PDGFRA: variants seen among roughly 807,000 people sequenced by gnomAD.
PDGFRA encodes the protein platelet derived growth factor receptor alpha.
A neutral mutation model predicts 121.5 loss-of-function variants in PDGFRA; 25 were observed. The ratio of observed to expected loss-of-function variants is 0.21; its 90% CI spans 0.15 to 0.29. The LOEUF (loss-of-function observed/expected upper bound fraction) is 0.29. Among genes scored for constraint, PDGFRA ranks in the 10% least tolerant of loss-of-function variants. PDGFRA has a pLI of 1.00. For missense variants in PDGFRA, 1,008 were observed against 1,345.1 expected, an observed-to-expected ratio of 0.75 and a Z score of 3.92; for synonymous variants, 463 against 494.8, an observed-to-expected ratio of 0.94 and a Z score of 0.85.
rs1020566095 is a variant in PDGFRA at position 54,298,186 on chromosome 4, T to G, written c.*2914T>G. ...ACGAATGCCCCTGTTCATGTTTTTG[T>G]TTTAAAACGTGTAAATGAAGATCTT... On this transcript the variant is annotated 3_prime_UTR_variant, in exon 23 of 23. Coordinates refer to ENST00000257290, the MANE Select transcript of PDGFRA (RefSeq NM_006206.6). 4.9e-6 allele frequency: 1 copy of G among 205,358 alleles called. No homozygotes were observed. Among genetic ancestry groups the G allele is most frequent in the Non-Finnish European group, 1.0e-5 (1 of 100,060 alleles). 12.7% of individuals were successfully genotyped at this position (205,358 alleles called of 1,614,324 possible).
At chr4:54,279,801 T>C (rs1456361360) in intron 15 of PDGFRA, among the ~76,000 whole-genome samples, 1 of 152,156 alleles carries the variant, frequency 6.6e-6, no homozygotes, top group African/African-American at 2.4e-5. Flanking sequence ...GAACGTACGA[T>C]GTTTGGTTTC....
intron 15 of PDGFRA, chr4:54,279,045 G>T (rs1723918788): frequency 3.0e-6 from 1 of 332,406 alleles, no homozygotes; most frequent in Non-Finnish European, 6.1e-6. Flanking sequence ...CACCAAATGG[G>T]TGCTAAATTG....
chr4:54,295,892 G>A lies in PDGFRA; in HGVS notation c.*620G>A. ...TTTAATAGATTTGGGTCATTTAGAA[G>A]CCTGACAACTCATTTTCATATTGTA... On this transcript the variant is annotated 3_prime_UTR_variant, in exon 23 of 23. Coordinates refer to ENST00000257290, the MANE Select transcript of PDGFRA (RefSeq NM_006206.6). 4.3e-6 allele frequency: 1 copy of A among 234,088 alleles called. No individual in the cohort carries two copies. The highest frequency in any genetic ancestry group is 8.4e-6 in the Non-Finnish European group (1 of 118,554). The allele number at this position is 234,088 out of a possible 1,614,324, so 14.5% of individuals were successfully genotyped here.
intron 1 of PDGFRA, among the ~76,000 whole-genome samples, chr4:54,255,568 C>T (rs1325695404): frequency 6.7e-6 from 1 of 149,854 alleles, no homozygotes; most frequent in East Asian, 2.0e-4. Context: ...TGCAGTGGCG[C>T]GATCTTGGCT....
chr4:54,244,551 A>C (rs1008531977), intron 1 of PDGFRA, among the ~76,000 whole-genome samples: 2 of 152,202 alleles, frequency 1.3e-5, no homozygotes, highest in African/African-American at 4.8e-5. Flanking sequence ...GGACATCCAC[A>C]CCAAAAACCC....
At chr4:54,253,549 C>T (rs2110221912) in intron 1 of PDGFRA, among the ~76,000 whole-genome samples, 1 of 152,288 alleles carries the variant, frequency 6.6e-6, no homozygotes, top group African/African-American at 2.4e-5. Context: ...ATGGCAAAAG[C>T]TTTTTGAGCT....
chr4:54,251,843 A>G (rs1319816839), intron 1 of PDGFRA, among the ~76,000 whole-genome samples: 2 of 152,216 alleles, frequency 1.3e-5, no homozygotes, highest in Non-Finnish European at 2.9e-5. Flanking sequence ...TTTAAATTAA[A>G]TTTCCATCGA....
Position 54,246,721 on chromosome 4 carries a change from C to G in PDGFRA, c.-12-12036C>G, listed in dbSNP as rs540230965. 6.9e-3 allele frequency among the ~76,000 whole-genome samples: 1,046 copies of G among 151,678 alleles called. 12 individuals are homozygous for G. Among genetic ancestry groups the G allele is most frequent in the African/African-American group, 0.024 (972 of 41,300 alleles). On this transcript the variant is annotated intron_variant, in intron 1 of 22. Coordinates refer to ENST00000257290, the MANE Select transcript of PDGFRA (RefSeq NM_006206.6). ...AGGCAAGAAATAACTAAAATCAGAG[C>G]AGAACTGAAGGAAATAGAGACACAA...
At chr4:54,246,871 A>G (rs1444609391) in intron 1 of PDGFRA, among the ~76,000 whole-genome samples, 4 of 152,128 alleles carry the variant, frequency 2.6e-5, no homozygotes, top group African/African-American at 7.2e-5. Context: ...GCAAAAAAAA[A>G]AATGATAAAG....
In PDGFRA at chr4:54,264,962, G is replaced by T. The variant is rs151259376; in HGVS notation, c.672G>T (p.Val224=). The change falls in exon 5 of 23, where the codon GTG becomes GTT. Residue 224 remains valine (V), a synonymous_variant. Coordinates refer to ENST00000257290, the MANE Select transcript of PDGFRA (RefSeq NM_006206.6). ...TAGAAATGGAAGCTCTTAAAACCGT[G>T]TATAAGTCAGGGGAAACGATTGTGG... ...LDLEMEALKT[V]YKSGETIVVT... 1 of 1,613,308 alleles carries T rather than the reference G, an allele frequency of 6.2e-7. No homozygotes were observed. Among genetic ancestry groups the T allele is most frequent in the South Asian group, 1.1e-5 (1 of 91,068 alleles).
chr4:54,245,130 T>C (rs1721560364), intron 1 of PDGFRA, among the ~76,000 whole-genome samples: 1 of 152,190 alleles, frequency 6.6e-6, no homozygotes, highest in African/African-American at 2.4e-5. Context: ...TGGAACCAAG[T>C]TGGAAAACAC....
rs1049458961 is a variant in PDGFRA, at chr4:54,296,093, C to G, written c.*821C>G. ...GTTTCTCTATAAAGTATGGTAATAG[C>G]TTTAGTGAATTAAATTTAGTTGAGC... On this transcript the variant is annotated 3_prime_UTR_variant, in exon 23 of 23. Coordinates refer to ENST00000257290, the MANE Select transcript of PDGFRA (RefSeq NM_006206.6). 2.6e-5 allele frequency: 6 copies of G among 232,540 alleles called. No homozygotes were observed. The highest frequency in any genetic ancestry group is 5.1e-5 in the Non-Finnish European group (6 of 117,528). 14.4% of individuals were successfully genotyped at this position (232,540 alleles called of 1,614,324 possible).
intron 1 of PDGFRA, among the ~76,000 whole-genome samples, chr4:54,234,163 C>T (rs546471860): frequency 1.3e-5 from 2 of 152,050 alleles, no homozygotes; most frequent in Admixed American, 6.5e-5. Context: ...CACCAGCTCC[C>T]GGTGATGGGG....
chr4:54,263,642 G>A (rs1250809122), intron 3 of PDGFRA, 25 bp from the exon 4 acceptor site: 1 of 1,609,544 alleles, frequency 6.2e-7, no homozygotes, highest in African/African-American at 1.3e-5. Context: ...GTCTAATAGA[G>A]TCTTCATTCT....
rs2110337891 is a variant in PDGFRA, at chr4:54,285,903, C to A, written c.2502C>A (p.Ile834=). ...TGGCACAAGGAAAAATTGTGAAGAT[C>A]TGTGACTTTGGCCTGGCCAGAGACA... The part of the protein sequence containing the change: ...VLLAQGKIVK[I]CDFGLARDIM... Residue 834 remains isoleucine, a synonymous_variant, in exon 18 of 23, where the codon ATC becomes ATA. Coordinates refer to ENST00000257290, the MANE Select transcript of PDGFRA (RefSeq NM_006206.6). 1.2e-6 allele frequency: 2 copies of A among 1,614,046 alleles called. No individual in the cohort carries two copies. The highest frequency in any genetic ancestry group is 2.2e-5 in the South Asian group (2 of 91,062).
intron 1 of PDGFRA, among the ~76,000 whole-genome samples, chr4:54,235,184 T>C (rs1483449388): frequency 1.3e-5 from 2 of 152,160 alleles, no homozygotes; most frequent in Non-Finnish European, 2.9e-5. Flanking sequence ...AGAGCTGAAA[T>C]TAACTGAGCC....
rs146787407 is a variant in PDGFRA, at chr4:54,297,047, A to G, written c.*1775A>G. 7.7e-5 allele frequency: 18 copies of G among 233,166 alleles called. No homozygotes were observed. The highest frequency in any genetic ancestry group is 1.3e-3 in the Middle Eastern group (1 of 786). 14.4% of individuals were successfully genotyped at this position (233,166 alleles called of 1,614,324 possible). On this transcript the variant is annotated 3_prime_UTR_variant, in exon 23 of 23. Transcript: ENST00000257290. ...GAAAGGCATGTACAAAAATTATGCAATTCAGTGTTCCAAGTCTCTGTGTAA... is the reference window on the plus strand; with the variant it reads ...GAAAGGCATGTACAAAAATTATGCAGTTCAGTGTTCCAAGTCTCTGTGTAA...
intron 1 of PDGFRA, among the ~76,000 whole-genome samples, chr4:54,250,994 G>A (rs571645668): frequency 5.1e-4 from 78 of 151,584 alleles, no homozygotes; most frequent in African/African-American, 1.6e-3. Flanking sequence ...GAACCTGGGA[G>A]GCAGAGGTTG....
rs2110324093 is a variant in PDGFRA at position 54,280,385 on chromosome 4, T to C, written c.2226T>C (p.Tyr742=). 1 of 1,612,792 alleles carries C rather than the reference T, an allele frequency of 6.2e-7. No homozygotes were observed. The highest frequency in any genetic ancestry group is 1.3e-5 in the African/African-American group (1 of 75,024). The change falls in exon 16 of 23, where the codon TAT becomes TAC. Residue 742 remains tyrosine (Y), a synonymous_variant. Transcript: ENST00000257290. ...TGAAGCAGGCTGATACTACACAGTA[T>C]GTCCCCATGCTAGAAAGGAAAGAGG... ...MDMKQADTTQ[Y]VPMLERKEVS... is the part of the protein sequence containing the mutation.
Sources: gnomAD v4.1 joint callset for allele counts (sites outside exome capture counted in the v4.1 genomes callset) on GRCh38, gnomAD v4.1.1 for gene constraint, MANE v1.5 for transcripts, NCBI Gene and HGNC (gene_info 2026-07-23, HGNC 2026-07-21) for gene names.